The following EPGN variants were observed in gnomAD, a reference collection of about 807,000 sequenced individuals.
EPGN encodes epigen.
In EPGN, 21 loss-of-function variants were observed where a neutral mutation model predicts 20.7. The observed-to-expected ratio is 1.01, with a 90% CI of 0.72 to 1.46. EPGN has a LOEUF of 1.46. Among genes scored for constraint, EPGN ranks in the 40% most tolerant of loss-of-function variants. EPGN has a pLI of 0.00. For missense variants in EPGN, 199 were observed against 180.7 expected, an observed-to-expected ratio of 1.10 and a Z score of -0.58; for synonymous variants, 69 against 63.8, an observed-to-expected ratio of 1.08 and a Z score of -0.39.
intron 2 of EPGN, 69 bp from the exon 3 acceptor site, chr4:74,312,116 T>C (rs1160638214): frequency 4.0e-5 from 60 of 1,498,294 alleles, no homozygotes; most frequent in Non-Finnish European, 1.8e-6. Flanking sequence ...TTTATTTACA[T>C]ATGTATTAAA....
intron 2 of EPGN, among the ~76,000 whole-genome samples, chr4:74,310,118 A>G (rs1373922628): frequency 1.3e-5 from 2 of 152,178 alleles, no homozygotes; most frequent in East Asian, 3.8e-4. Context: ...TTTGTCTTCT[A>G]AGCCTTCAAA....
At chr4:74,312,556 A>G (rs909631430) in intron 3 of EPGN, among the ~76,000 whole-genome samples, 1 of 152,178 alleles carries the variant, frequency 6.6e-6, no homozygotes, top group Admixed American at 6.6e-5. Flanking sequence ...TTAGAAATGC[A>G]GGATCTATGC....
chr4:74,308,601 T>C (rs1415430486), intron 1 of EPGN, 25 bp downstream of exon 1: 2 of 1,594,660 alleles, frequency 1.3e-6, no homozygotes, highest in Non-Finnish European at 1.7e-6. Context: ...TTTGTTTTGT[T>C]AACTTTATAT....
At chr4:74,310,020 G>A (rs567044241) in intron 2 of EPGN, among the ~76,000 whole-genome samples, 3 of 152,216 alleles carry the variant, frequency 2.0e-5, no homozygotes, top group East Asian at 1.9e-4. Flanking sequence ...TGATTGTCTC[G>A]AAATATTTTA....
At chr4:74,313,259 T>C in intron 4 of EPGN, 89 bp downstream of exon 4, 1 of 1,441,080 alleles carries the variant, frequency 6.9e-7, no homozygotes, top group Non-Finnish European at 9.1e-7. Context: ...GGCACTGACA[T>C]GTAAAATTTT....
intron 3 of EPGN, 151 bp downstream of exon 3, chr4:74,312,456 T>C: frequency 1.3e-6 from 1 of 782,600 alleles, no homozygotes; most frequent in East Asian, 3.0e-5. Flanking sequence ...TATTTGAATA[T>C]CTAAGGAGTC....
At chr4:74,312,785 A>G (rs1188909732) in intron 3 of EPGN, among the ~76,000 whole-genome samples, 1 of 152,182 alleles carries the variant, frequency 6.6e-6, no homozygotes, top group Non-Finnish European at 1.5e-5. Context: ...AGAGTAAATT[A>G]TGCAAGCATA....
At chr4:74,311,614 G>T (rs895404143) in intron 2 of EPGN, among the ~76,000 whole-genome samples, 2 of 152,062 alleles carry the variant, frequency 1.3e-5, no homozygotes, top group African/African-American at 4.8e-5. Flanking sequence ...AATAAAGTAT[G>T]CCCCAAAGGA....
intron 1 of EPGN, 108 bp downstream of exon 1, chr4:74,308,684 G>T: frequency 1.2e-6 from 1 of 868,078 alleles, no homozygotes; most frequent in South Asian, 1.9e-5. Flanking sequence ...TGTTCTTTAT[G>T]ACAAAGATCA....
At position 74,316,109 on chromosome 4, in the gene EPGN, T is replaced by G. The variant is rs1271830839; in HGVS notation, c.*1472T>G. On this transcript the variant is annotated 3_prime_UTR_variant, in exon 5 of 5. Coordinates refer to ENST00000413830, the MANE Select transcript of EPGN (RefSeq NM_001270989.2). ...AACTTGACAGTGGAATAAGGAAATGTTTTTCCAAATCTGCATTGCCGGTGA... is the reference window on the plus strand; with the variant it reads ...AACTTGACAGTGGAATAAGGAAATGGTTTTCCAAATCTGCATTGCCGGTGA... 6.6e-6 allele frequency among the ~76,000 whole-genome samples: 1 copy of G among 152,130 alleles called. No individual in the cohort carries two copies. The highest frequency in any genetic ancestry group is 1.5e-5 in the Non-Finnish European group (1 of 68,020).
At chr4:74,310,675 A>G (rs1318480235) in intron 2 of EPGN, among the ~76,000 whole-genome samples, 2 of 152,104 alleles carry the variant, frequency 1.3e-5, no homozygotes, top group African/African-American at 4.8e-5. Flanking sequence ...TTGGTTGAAC[A>G]TTGGTTCCAA....
Position 74,315,768 on chromosome 4 carries a change from A to G in EPGN, c.*1131A>G, listed in dbSNP as rs1298041464. Reference sequence around the variant, plus strand: ...GGAGTTTGAGACCAGCCTGGCCAACATGGTGAAACCCTGTCTCTACTAAAA... The same window carrying G: ...GGAGTTTGAGACCAGCCTGGCCAACGTGGTGAAACCCTGTCTCTACTAAAA... On this transcript the variant is annotated 3_prime_UTR_variant, in exon 5 of 5. Transcript: ENST00000413830. 4.6e-5 allele frequency among the ~76,000 whole-genome samples: 7 copies of G among 152,086 alleles called. No individual in the cohort carries two copies. Among genetic ancestry groups the G allele is most frequent in the African/African-American group, 1.7e-4 (7 of 41,422 alleles).
At chr4:74,314,534 T>C (rs1751171880) in intron 4 of EPGN, 46 bp from the exon 5 acceptor site, 1 of 1,525,866 alleles carries the variant, frequency 6.6e-7, no homozygotes, top group South Asian at 1.2e-5. Context: ...CAATGACCTA[T>C]ATGAACCACA....
In EPGN at chr4:74,316,030, G is replaced by A. The variant is rs951803475; in HGVS notation, c.*1393G>A. Among the ~76,000 whole-genome samples the A allele has an allele frequency of 2.6e-5, 4 of 151,342 alleles. No homozygotes were observed. The highest frequency in any genetic ancestry group is 7.3e-5 in the African/African-American group (3 of 41,168). On this transcript the variant is annotated 3_prime_UTR_variant, in exon 5 of 5. Coordinates refer to ENST00000413830, the MANE Select transcript of EPGN (RefSeq NM_001270989.2). Reference sequence around the variant, plus strand: ...TAATTCAAACAGTCATATGCAGGTCGCTTAATTTATTTGTGCTTTTGTTTC... The same window carrying A: ...TAATTCAAACAGTCATATGCAGGTCACTTAATTTATTTGTGCTTTTGTTTC...
Position 74,314,639 on chromosome 4 carries a change from G to A in EPGN, c.*2G>A. The A allele has an allele frequency of 6.5e-7, 1 of 1,535,946 alleles. No homozygotes were observed. Among genetic ancestry groups the A allele is most frequent in the Non-Finnish European group, 8.7e-7 (1 of 1,146,764 alleles). On this transcript the variant is annotated 3_prime_UTR_variant, in exon 5 of 5. Coordinates refer to ENST00000413830, the MANE Select transcript of EPGN (RefSeq NM_001270989.2). ...TCTGGAGAAAGACGACCACTGTGAG[G>A]CCTTTGTGAAGAATTTTCATCAAGG...
In EPGN at chr4:74,311,084, T is replaced by C. The variant is rs1445542934; in HGVS notation, c.134-1101T>C. On this transcript the variant is annotated intron_variant, in intron 2 of 4. Coordinates refer to ENST00000413830, the MANE Select transcript of EPGN (RefSeq NM_001270989.2). The stretch of plus-strand genomic sequence containing the variant: ...ACTTAAAAATATCAATCTAGTATCT[T>C]AGAAAAATTTTTATAAAGTTATGAT... Among the ~76,000 whole-genome samples the C allele has an allele frequency of 2.0e-5, 3 of 152,168 alleles. No individual in the cohort carries two copies. The South Asian group carries it at 6.2e-4, about 31-fold the overall frequency.
chr4:74,308,651 G>C (rs1750691008), intron 1 of EPGN, 75 bp downstream of exon 1: 3 of 1,290,408 alleles, frequency 2.3e-6, no homozygotes, highest in African/African-American at 3.0e-5. Context: ...CTCTGCATTA[G>C]AGAGAAGTTG....
rs1399148708 is a variant in EPGN at position 74,309,268 on chromosome 4, AT to A, written c.133+91del. 3.3e-6 allele frequency: 3 copies of A among 910,100 alleles called. No homozygotes were observed. The East Asian group carries it at 8.3e-5, about 25-fold the overall frequency. The allele number at this position is 910,100 out of a possible 1,614,324, so 56.4% of individuals were successfully genotyped here. A position where few individuals can be genotyped will look rare whatever the true frequency, so the allele number is the denominator to read the frequency against. On this transcript the variant is annotated intron_variant, in intron 2 of 4. Coordinates refer to ENST00000413830, the MANE Select transcript of EPGN (RefSeq NM_001270989.2). ...GATTGTGATAAAAGCAATATTGGCC[AT>A]TTTTAATATATATTTTATTATTAGA...
At chr4:74,311,000 G>T (rs1464832133) in intron 2 of EPGN, among the ~76,000 whole-genome samples, 3 of 151,902 alleles carry the variant, frequency 2.0e-5, no homozygotes, top group Non-Finnish European at 4.4e-5. Context: ...TATCATTTCT[G>T]TATTTTTCCT....
Sources: allele counts gnomAD v4.1 joint callset (sites outside exome capture counted in the v4.1 genomes callset), GRCh38; gene constraint gnomAD v4.1.1; transcripts MANE v1.5; gene names NCBI Gene and HGNC (gene_info 2026-07-23, HGNC 2026-07-21).